CTNNA3: variants seen among roughly 807,000 people sequenced by gnomAD.
CTNNA3 encodes catenin alpha 3.
A neutral mutation model predicts 95.7 loss-of-function variants in CTNNA3; 76 were observed. The observed-to-expected ratio is 0.79, with a 90% CI of 0.66 to 0.96. The LOEUF (loss-of-function observed/expected upper bound fraction) is 0.96, where lower values mean the gene tolerates loss of function less well. Ranked by LOEUF, CTNNA3 falls within the 40% of genes least tolerant of loss-of-function variation. The pLI is 0.00. For missense variants in CTNNA3, 1,191 were observed against 1,089.8 expected (o/e 1.09, Z -1.31); for synonymous variants, 431 against 374.4 (o/e 1.15, Z -1.74).
In CTNNA3 at chr10:65,919,501, A is replaced by G. The variant is rs2077049924; in HGVS notation, c.*829T>C. On this transcript the variant is annotated 3_prime_UTR_variant, in exon 18 of 18. Transcript: ENST00000433211. ...CTTACACTTCTGTTATTATTAATAT[A>G]ACTCACTTTGGGATATAGTTTGTTG... is the stretch of plus-strand genomic sequence containing the variant. 1.3e-5 allele frequency: 2 copies of G among 152,188 alleles called. No individual in the cohort carries two copies. Among genetic ancestry groups the G allele is most frequent in the South Asian group, 4.1e-4 (2 of 4,830 alleles). 9.4% of individuals were successfully genotyped at this position (152,188 alleles called of 1,614,324 possible). A position where few individuals can be genotyped will look rare whatever the true frequency, so the allele number is the denominator to read the frequency against.
intron 17 of CTNNA3, among the ~76,000 whole-genome samples, chr10:65,954,684 A>T (rs1041591328): frequency 2.0e-5 from 3 of 152,160 alleles, no homozygotes. Flanking sequence ...ATTGTCAAAG[A>T]TCAGATGGTT....
chr10:66,746,200 C>T (rs10740257), intron 9 of CTNNA3, among the ~76,000 whole-genome samples: 42,130 of 151,802 alleles, frequency 0.28, 6,153 homozygotes, highest in East Asian at 0.49. Flanking sequence ...CAAATGCTAA[C>T]AAATAATACT....
intron 7 of CTNNA3, among the ~76,000 whole-genome samples, chr10:66,966,873 T>G (rs915462049): frequency 6.6e-6 from 1 of 152,066 alleles, no homozygotes; most frequent in Non-Finnish European, 1.5e-5. Flanking sequence ...TAAGACATGT[T>G]TAGTAGCTTT....
chr10:67,709,080 C>T (rs890072209), intron 1 of CTNNA3, among the ~76,000 whole-genome samples: 10 of 152,012 alleles, frequency 6.6e-5, no homozygotes, highest in Admixed American at 1.3e-4. Context: ...CCCTTATGCA[C>T]AGAATCACTA....
intron 7 of CTNNA3, among the ~76,000 whole-genome samples, chr10:66,924,951 G>A (rs1465118190): frequency 1.3e-5 from 2 of 152,090 alleles, no homozygotes; most frequent in African/African-American, 2.4e-5. Flanking sequence ...ACTAAACTAC[G>A]CTGCCTTAGT....
chr10:66,466,936 A>AT (rs1326329181), intron 11 of CTNNA3, among the ~76,000 whole-genome samples: 2 of 151,966 alleles, frequency 1.3e-5, no homozygotes, highest in African/African-American at 4.8e-5. Context: ...ACATTATATT[A>AT]TTTTTTATTT....
intron 7 of CTNNA3, among the ~76,000 whole-genome samples, chr10:66,909,535 AAATAAATC>A (rs1846134467): frequency 1.1e-5 from 1 of 87,874 alleles, no homozygotes; most frequent in South Asian, 3.8e-4. Flanking sequence ...ATAAATAAAT[AAATAAATC>A]ACTACCTTCG....
intron 10 of CTNNA3, among the ~76,000 whole-genome samples, chr10:66,545,668 G>T (rs1160981351): frequency 6.6e-6 from 1 of 151,906 alleles, no homozygotes; most frequent in South Asian, 2.1e-4. Flanking sequence ...GAGTATTTTT[G>T]ATATTTCACA....
intron 5 of CTNNA3, among the ~76,000 whole-genome samples, chr10:67,434,062 C>A (rs910850856): frequency 3.3e-5 from 5 of 151,976 alleles, no homozygotes; most frequent in Non-Finnish European, 4.4e-5. Flanking sequence ...TCATTTGAAC[C>A]ACATATTAGT....
intron 5 of CTNNA3, among the ~76,000 whole-genome samples, chr10:67,446,265 C>T (rs961553120): frequency 5.3e-5 from 8 of 152,118 alleles, no homozygotes; most frequent in Non-Finnish European, 8.8e-5. Flanking sequence ...TGCTCTCCTA[C>T]ACTCCCACCC....
At chr10:66,435,306 T>C in intron 11 of CTNNA3, among the ~76,000 whole-genome samples, 1 of 152,178 alleles carries the variant, frequency 6.6e-6, no homozygotes, top group South Asian at 2.1e-4. Context: ...AAGCTATTAA[T>C]TACTGCCTCA....
At chr10:66,183,164 G>T (rs2086142735) in intron 13 of CTNNA3, among the ~76,000 whole-genome samples, 1 of 152,216 alleles carries the variant, frequency 6.6e-6, no homozygotes, top group Admixed American at 6.5e-5. Flanking sequence ...GACAGTCCAT[G>T]CCCTAGCACA....
chr10:66,841,699 T>A (rs952033936), intron 7 of CTNNA3, among the ~76,000 whole-genome samples: 1 of 152,206 alleles, frequency 6.6e-6, no homozygotes, highest in Non-Finnish European at 1.5e-5. Context: ...CTCTATGTAA[T>A]GAGTGAATAA....
chr10:66,427,362 T>A (rs2093251582), intron 11 of CTNNA3, among the ~76,000 whole-genome samples: 1 of 152,074 alleles, frequency 6.6e-6, no homozygotes, highest in African/African-American at 2.4e-5. Context: ...TATCTTGGCT[T>A]ATATTCTGTT....
chr10:67,124,369 T>TGG, intron 7 of CTNNA3, among the ~76,000 whole-genome samples: 1 of 150,114 alleles, frequency 6.7e-6, no homozygotes, highest in Non-Finnish European at 1.5e-5. Flanking sequence ...TGTGTGTGTG[T>TGG]GTGTGGTCTA....
At chr10:67,680,383 T>C (rs1248307961) in intron 1 of CTNNA3, among the ~76,000 whole-genome samples, 2 of 152,174 alleles carry the variant, frequency 1.3e-5, no homozygotes, top group Non-Finnish European at 2.9e-5. Flanking sequence ...CAGAATAACA[T>C]GGAGCAATAA....
At chr10:67,713,770 T>C (rs1432764219) in intron 1 of CTNNA3, among the ~76,000 whole-genome samples, 1 of 152,046 alleles carries the variant, frequency 6.6e-6, no homozygotes. Context: ...GAACATCACA[T>C]GCTGGTGCCT....
chr10:67,042,938 G>C (rs976308134), intron 7 of CTNNA3, among the ~76,000 whole-genome samples: 3 of 152,064 alleles, frequency 2.0e-5, no homozygotes, highest in Admixed American at 6.6e-5. Context: ...CGCTATAAAA[G>C]AGGAGCCAAA....
At chr10:66,389,996 A>G (rs2092923550) in intron 11 of CTNNA3, among the ~76,000 whole-genome samples, 1 of 152,158 alleles carries the variant, frequency 6.6e-6, no homozygotes, top group Admixed American at 6.6e-5. Flanking sequence ...TCAGATTCCC[A>G]AAGTGTTGAG....
Sources: gnomAD v4.1 joint callset for allele counts (sites outside exome capture counted in the v4.1 genomes callset) on GRCh38, gnomAD v4.1.1 for gene constraint, MANE v1.5 for transcripts, NCBI Gene and HGNC (gene_info 2026-07-23, HGNC 2026-07-21) for gene names.